PRKN: variants seen among roughly 807,000 people sequenced by gnomAD.
PRKN encodes the protein E3 ubiquitin-protein ligase parkin.
PRKN carries 56 observed loss-of-function variants against 59.5 expected under a neutral mutation model. The ratio of observed to expected loss-of-function variants is 0.94; its 90% CI spans 0.76 to 1.18. The LOEUF is 1.18. PRKN is among the 50% of genes most tolerant of loss of function. The pLI, the probability that PRKN is intolerant of heterozygous loss-of-function variation, is 0.00. For synonymous variants in PRKN, 250 were observed against 222.1 expected, an observed-to-expected ratio of 1.13 and a Z score of -1.12; for missense variants, 657 against 596.4, an observed-to-expected ratio of 1.10 and a Z score of -1.06.
intron 6 of PRKN, among the ~76,000 whole-genome samples, chr6:161,929,996 T>TTGTTGGCAATGCCACTGAATTTACC (rs1247888108): frequency 2.6e-5 from 4 of 152,170 alleles, no homozygotes; most frequent in Non-Finnish European, 5.9e-5. Flanking sequence ...AAATGGAAAA[T>TTGTTGGCAATGCCACTGAATTTACC]TGTTGGCAAT....
At chr6:161,973,057 C>T (rs1247517899) in intron 6 of PRKN, among the ~76,000 whole-genome samples, 1 of 152,216 alleles carries the variant, frequency 6.6e-6, no homozygotes, top group African/African-American at 2.4e-5. Flanking sequence ...CATCTCCCAT[C>T]TTAGGACCCT....
At chr6:161,590,737 A>C (rs1413634027) in intron 7 of PRKN, among the ~76,000 whole-genome samples, 1 of 147,664 alleles carries the variant, frequency 6.8e-6, no homozygotes, top group Non-Finnish European at 1.5e-5. Flanking sequence ...CTCTGTCTCA[A>C]AAAAAAAAAA....
In PRKN at chr6:161,355,715, A is replaced by G. The variant is rs78619850; in HGVS notation, c.1285+4373T>C. 0.017 allele frequency among the ~76,000 whole-genome samples: 2,536 copies of G among 152,296 alleles called. 34 individuals carry two copies. Among genetic ancestry groups the G allele is most frequent in the Non-Finnish European group, 0.027 (1,806 of 68,026 alleles). ...GTCACCACGCCCGGCCTACAAGCTAAGTTTTAATTCAGCAAATATTTTTTG... is the reference window on the plus strand; with the variant it reads ...GTCACCACGCCCGGCCTACAAGCTAGGTTTTAATTCAGCAAATATTTTTTG... On this transcript the variant is annotated intron_variant, in intron 11 of 11. Coordinates refer to ENST00000366898, the MANE Select transcript of PRKN (RefSeq NM_004562.3). The surrounding 1 kb of genome is among the most constrained non-coding windows in gnomAD (Gnocchi z 6.8).
At chr6:162,158,895 T>C (rs1046839625) in intron 4 of PRKN, among the ~76,000 whole-genome samples, 1 of 152,010 alleles carries the variant, frequency 6.6e-6, no homozygotes, top group African/African-American at 2.4e-5. Flanking sequence ...GCGCCCATGT[T>C]AAAGCTCTAT....
intron 7 of PRKN, chr6:161,716,262 C>T: frequency 2.1e-6 from 1 of 469,122 alleles, no homozygotes. Flanking sequence ...ATAAAGAATT[C>T]AGAAATGAGG....
intron 7 of PRKN, among the ~76,000 whole-genome samples, chr6:161,701,559 C>T (rs1368980750): frequency 6.6e-6 from 1 of 152,104 alleles, no homozygotes; most frequent in Non-Finnish European, 1.5e-5. Flanking sequence ...TTACATTTAA[C>T]CTATTACAAA....
chr6:161,764,073 CTT>C (rs1789321267), intron 7 of PRKN, among the ~76,000 whole-genome samples: 1 of 152,196 alleles, frequency 6.6e-6, no homozygotes, highest in African/African-American at 2.4e-5. Flanking sequence ...TTGCTGGTCT[CTT>C]TCACTCTCCT....
chr6:161,664,646 T>C (rs1479610306), intron 7 of PRKN, among the ~76,000 whole-genome samples: 1 of 152,338 alleles, frequency 6.6e-6, no homozygotes. Context: ...GTCTATAAAC[T>C]GGCAGATGGA....
chr6:161,918,504 G>A (rs1218220985), intron 6 of PRKN, among the ~76,000 whole-genome samples: 1 of 152,162 alleles, frequency 6.6e-6, no homozygotes, highest in Admixed American at 6.5e-5. Context: ...AGCCAAATGG[G>A]AGGACACCAG....
chr6:162,403,273 GC>G (rs559538149), intron 2 of PRKN, among the ~76,000 whole-genome samples: 149 of 152,054 alleles, frequency 9.8e-4, no homozygotes, highest in Non-Finnish European at 2.0e-3. Flanking sequence ...GCGAATGCTT[GC>G]CCCCTTGGAG....
chr6:161,726,184 T>C (rs564397146), intron 7 of PRKN, among the ~76,000 whole-genome samples: 16 of 152,344 alleles, frequency 1.1e-4, no homozygotes, highest in East Asian at 3.9e-4. Flanking sequence ...CTTTCTGTAG[T>C]AGAAATGACA....
intron 1 of PRKN, among the ~76,000 whole-genome samples, chr6:162,619,170 GTC>G (rs552849506): frequency 7.1e-4 from 99 of 140,178 alleles, no homozygotes; most frequent in African/African-American, 2.5e-3. Flanking sequence ...TTGAGATGGA[GTC>G]TCTCTCTGTC....
At chr6:161,707,048 A>G (rs1204535937) in intron 7 of PRKN, among the ~76,000 whole-genome samples, 1 of 152,136 alleles carries the variant, frequency 6.6e-6, no homozygotes, top group Non-Finnish European at 1.5e-5. Flanking sequence ...AAAGCTTTCA[A>G]TTTTTCCTGT....
intron 1 of PRKN, among the ~76,000 whole-genome samples, chr6:162,489,342 A>T (rs992517747): frequency 2.0e-5 from 3 of 152,220 alleles, no homozygotes; most frequent in African/African-American, 7.2e-5. Flanking sequence ...AGCTTGTTTC[A>T]CAGAAGAATA....
intron 2 of PRKN, among the ~76,000 whole-genome samples, chr6:162,338,097 G>C (rs1054494687): frequency 1.3e-5 from 2 of 152,080 alleles, no homozygotes; most frequent in Non-Finnish European, 2.9e-5. Flanking sequence ...TAGGACAGTG[G>C]CCCGGGAGAC....
intron 4 of PRKN, among the ~76,000 whole-genome samples, chr6:162,072,356 C>T (rs112772722): frequency 2.2e-4 from 33 of 152,188 alleles, no homozygotes; most frequent in African/African-American, 5.8e-4. Flanking sequence ...TGAGAGACCT[C>T]GACTTCTGAG....
At chr6:162,689,289 T>C (rs1054782726) in intron 1 of PRKN, among the ~76,000 whole-genome samples, 3 of 152,048 alleles carry the variant, frequency 2.0e-5, no homozygotes, top group Non-Finnish European at 4.4e-5. Flanking sequence ...AGATAAACAA[T>C]GCACAAGTCA....
At position 161,560,315 on chromosome 6, in the gene PRKN, T is replaced by G. The variant is rs1464113893; in HGVS notation, c.933+9040A>C. Among the ~76,000 whole-genome samples, 1 of 152,172 alleles carries G rather than the reference T, an allele frequency of 6.6e-6. No individual in the cohort carries two copies. Among genetic ancestry groups the G allele is most frequent in the Non-Finnish European group, 1.5e-5 (1 of 68,038 alleles). On this transcript the variant is annotated intron_variant, in intron 8 of 11. Coordinates refer to ENST00000366898, the MANE Select transcript of PRKN (RefSeq NM_004562.3). The surrounding 1 kb of genome is among the most constrained non-coding windows in gnomAD (Gnocchi z 4.9). ...AGTGAAGGCTGCTTTTCATTTCATATTCACATCTTTCAAGGCCAGAGGTGA... is the reference window on the plus strand; with the variant it reads ...AGTGAAGGCTGCTTTTCATTTCATAGTCACATCTTTCAAGGCCAGAGGTGA...
At chr6:162,455,465 G>C (rs1218107690) in intron 1 of PRKN, among the ~76,000 whole-genome samples, 1 of 152,184 alleles carries the variant, frequency 6.6e-6, no homozygotes, top group Non-Finnish European at 1.5e-5. Flanking sequence ...GCATGCTACT[G>C]CACTGAATAC....
Sources: gnomAD v4.1 joint callset for allele counts (sites outside exome capture counted in the v4.1 genomes callset) on GRCh38, gnomAD v4.1.1 for gene constraint, Gnocchi (gnomAD v3.1) non-coding constraint, MANE v1.5 for transcripts, NCBI Gene and HGNC (gene_info 2026-07-23, HGNC 2026-07-21) for gene names.